The following MME variants were observed in gnomAD, a reference collection of about 807,000 sequenced individuals.
The protein encoded by MME is neprilysin.
MME carries 98 observed loss-of-function variants against 113.2 expected under a neutral mutation model. The observed-to-expected ratio is 0.87, with a 90% CI of 0.74 to 1.02. The LOEUF is 1.02. Among genes scored for constraint, MME ranks in the 50% least tolerant of loss-of-function variants. MME has a pLI of 0.00. For synonymous variants in MME, 292 were observed against 300.6 expected (o/e 0.97, Z 0.30); for missense variants, 836 against 896.0 (o/e 0.93, Z 0.86).
At chr3:155,138,078 T>C (rs1355897193) in intron 8 of MME, 24 bp from the exon 9 acceptor site, 1 of 1,612,932 alleles carries the variant, frequency 6.2e-7, no homozygotes, top group African/African-American at 1.3e-5. Flanking sequence ...ACTCCAACAG[T>C]TTAGTGCTAT....
In MME at chr3:155,116,572, C is replaced by CATTTGATTT; in HGVS notation, c.439+14_439+22dup. 6.6e-7 allele frequency: 1 copy of CATTTGATTT among 1,524,962 alleles called. No individual in the cohort carries two copies. The highest frequency in any genetic ancestry group is 9.0e-7 in the Non-Finnish European group (1 of 1,105,264). The allele number at this position is 1,524,962 out of a possible 1,614,324, so 94.5% of individuals were successfully genotyped here. A position where few individuals can be genotyped will look rare whatever the true frequency, so the allele number is the denominator to read the frequency against. On this transcript the variant is annotated intron_variant, in intron 5 of 22. Coordinates refer to ENST00000360490, the MANE Select transcript of MME (RefSeq NM_007289.4). Reference sequence around the variant, plus strand: ...TGTATAAATGAATGTAAGTGCTCTTCATTTGATTTCATTAGGAGTATATAT... The same window carrying CATTTGATTT: ...TGTATAAATGAATGTAAGTGCTCTTCATTTGATTTATTTGATTTCATTAGGAGTATATAT...
chr3:155,094,394 ACACGCC>A (rs1716545296), intron 3 of MME, among the ~76,000 whole-genome samples: 1 of 152,220 alleles, frequency 6.6e-6, no homozygotes, highest in Non-Finnish European at 1.5e-5. Flanking sequence ...ATTTCATGTT[ACACGCC>A]CTTCAGGGAG....
chr3:155,085,683 C>G (rs1045326551), intron 3 of MME: 2 of 152,528 alleles, frequency 1.3e-5, no homozygotes, highest in Non-Finnish European at 2.9e-5. Flanking sequence ...AGGTACCCAC[C>G]ACCACGCCTG....
intron 17 of MME, among the ~76,000 whole-genome samples, chr3:155,162,281 T>C (rs1216837422): frequency 1.3e-5 from 2 of 152,172 alleles, no homozygotes. Context: ...CCCAAGCCCC[T>C]GGAGGTGGCT....
At chr3:155,110,071 G>A (rs905379464) in intron 3 of MME, among the ~76,000 whole-genome samples, 7 of 152,216 alleles carry the variant, frequency 4.6e-5, no homozygotes, top group Admixed American at 1.3e-4. Context: ...TGATAAGTCC[G>A]ACAGTGGAGA....
chr3:155,049,007 C>T (rs1174507472), intron 1 of MME, among the ~76,000 whole-genome samples: 1 of 152,072 alleles, frequency 6.6e-6, no homozygotes. Flanking sequence ...GTGTTAAGCA[C>T]CCCCAGTTTG....
chr3:155,116,483 C>T lies in MME; in HGVS notation c.363C>T (p.Val121=), dbSNP rs201718664. 1 of 1,605,832 alleles carries T rather than the reference C, an allele frequency of 6.2e-7. No homozygotes were observed. Among genetic ancestry groups the T allele is most frequent in the Admixed American group, 1.7e-5 (1 of 59,926 alleles). The part of the protein sequence containing the change: ...RDELEVVLKD[V]LQEPKTEDIV... ...TTATTAAATGTCCTATTTCAGATGTCCTTCAAGAACCCAAAACTGAAGATA... is the reference window on the plus strand; with the variant it reads ...TTATTAAATGTCCTATTTCAGATGTTCTTCAAGAACCCAAAACTGAAGATA... The change falls in exon 5 of 23, where the codon GTC becomes GTT. Residue 121 remains valine, a synonymous_variant. Transcript: ENST00000360490.
At chr3:155,150,560 T>A (rs1479609237) in intron 16 of MME, among the ~76,000 whole-genome samples, 1 of 152,148 alleles carries the variant, frequency 6.6e-6, no homozygotes, top group Non-Finnish European at 1.5e-5. Flanking sequence ...GTATACCAGA[T>A]ACAAAGGTTC....
At chr3:155,101,834 G>C (rs192609534) in intron 3 of MME, among the ~76,000 whole-genome samples, 1 of 152,152 alleles carries the variant, frequency 6.6e-6, no homozygotes, top group East Asian at 1.9e-4. Flanking sequence ...AGTCTCACTG[G>C]GCTAGTCAAA....
chr3:155,055,144 T>C (rs1269236556), intron 1 of MME, among the ~76,000 whole-genome samples: 1 of 152,154 alleles, frequency 6.6e-6, no homozygotes, highest in Admixed American at 6.6e-5. Context: ...ATTTCCAAAC[T>C]GAAAGCTGAT....
chr3:155,049,812 T>A (rs1413939862), intron 1 of MME, among the ~76,000 whole-genome samples: 1 of 152,136 alleles, frequency 6.6e-6, no homozygotes, highest in African/African-American at 2.4e-5. Flanking sequence ...GAAATTGTTT[T>A]TACCTTATTT....
chr3:155,174,296 C>T (rs1041687691), intron 22 of MME, among the ~76,000 whole-genome samples: 1 of 143,710 alleles, frequency 7.0e-6, no homozygotes, highest in South Asian at 2.3e-4. Context: ...GATCCCTCAT[C>T]GACTATTTTT....
At chr3:155,027,002 A>C (rs974508886) in intron 1 of MME, among the ~76,000 whole-genome samples, 1 of 152,182 alleles carries the variant, frequency 6.6e-6, no homozygotes, top group African/African-American at 2.4e-5. Context: ...TAAATTACCC[A>C]ATAGATCTAT....
At chr3:155,179,508 G>A (rs893086176) in intron 22 of MME, among the ~76,000 whole-genome samples, 4 of 152,116 alleles carry the variant, frequency 2.6e-5, no homozygotes, top group African/African-American at 9.7e-5. Flanking sequence ...AATCAAAATG[G>A]ACTCACCTGT....
At position 155,182,134 on chromosome 3, in the gene MME, G is replaced by A. The variant is rs755312779; in HGVS notation, c.*1675G>A. 1 of 152,064 alleles carries A rather than the reference G, an allele frequency of 6.6e-6. No homozygotes were observed. Among genetic ancestry groups the A allele is most frequent in the Non-Finnish European group, 1.5e-5 (1 of 68,016 alleles). The allele number at this position is 152,064 out of a possible 1,614,324, so 9.4% of individuals were successfully genotyped here. ...ACTTCTAATATCATTCACTAGCTTT[G>A]CCTGGTTTTGTCTTTTATGCAGATA... On this transcript the variant is annotated 3_prime_UTR_variant, in exon 23 of 23. Coordinates refer to ENST00000360490, the MANE Select transcript of MME (RefSeq NM_007289.4).
At chr3:155,145,357 TTGG>T (rs762050871) in intron 14 of MME, among the ~76,000 whole-genome samples, 7 of 152,136 alleles carry the variant, frequency 4.6e-5, no homozygotes, top group Non-Finnish European at 8.8e-5. Context: ...TCAAAAGAGT[TTGG>T]TGAACACTTC....
At chr3:155,134,186 A>G (rs570504976) in intron 8 of MME, among the ~76,000 whole-genome samples, 44 of 152,176 alleles carry the variant, frequency 2.9e-4, no homozygotes, top group Admixed American at 2.6e-3. Flanking sequence ...GTTTTGTTAC[A>G]TGGATATATT....
intron 1 of MME, among the ~76,000 whole-genome samples, chr3:155,038,098 A>G (rs1192633160): frequency 1.3e-5 from 2 of 152,160 alleles, no homozygotes; most frequent in African/African-American, 4.8e-5. Flanking sequence ...TTTGCTACCT[A>G]GTGCCATATG....
At chr3:155,062,140 T>C (rs1251801070) in intron 1 of MME, among the ~76,000 whole-genome samples, 1 of 152,240 alleles carries the variant, frequency 6.6e-6, no homozygotes, top group Non-Finnish European at 1.5e-5. Flanking sequence ...CTAAATAGTA[T>C]ACTTGCCTCA....
Sources: allele counts gnomAD v4.1 joint callset (sites outside exome capture counted in the v4.1 genomes callset), GRCh38; gene constraint gnomAD v4.1.1; transcripts MANE v1.5; gene names NCBI Gene and HGNC (gene_info 2026-07-23, HGNC 2026-07-21).